NOTCH2: variants seen among roughly 807,000 people sequenced by gnomAD.
NOTCH2 encodes the protein neurogenic locus notch homolog protein 2.
In NOTCH2, 29 loss-of-function variants were observed where a neutral mutation model predicts 235.8. That is an observed-to-expected ratio of 0.12 (90% confidence interval 0.09 to 0.17). The LOEUF (loss-of-function observed/expected upper bound fraction) is 0.17, where lower values mean the gene tolerates loss of function less well. NOTCH2 is among the 10% of genes least tolerant of loss of function. The pLI is 1.00. For synonymous variants in NOTCH2, 1,086 were observed against 1,141.5 expected, an observed-to-expected ratio of 0.95 and a Z score of 0.98; for missense variants, 2,285 against 3,150.2, an observed-to-expected ratio of 0.73 and a Z score of 6.57.
intron 2 of NOTCH2, among the ~76,000 whole-genome samples, chr1:120,006,938 A>G (rs1386097074): frequency 1.3e-5 from 2 of 152,230 alleles, no homozygotes; most frequent in Middle Eastern, 3.2e-3. Context: ...AAGGCCAGAT[A>G]CGAGGGAACT....
intron 17 of NOTCH2, among the ~76,000 whole-genome samples, chr1:119,944,533 T>TA (rs59660919): frequency 0.027 from 1,687 of 62,770 alleles, 25 homozygotes; most frequent in Middle Eastern, 0.08. Context: ...AGACTCAGTC[T>TA]AAAAAAAAAA....
intron 5 of NOTCH2, among the ~76,000 whole-genome samples, chr1:119,979,758 T>C (rs1553201421): frequency 3.3e-5 from 5 of 152,196 alleles, no homozygotes; most frequent in Non-Finnish European, 7.3e-5. Flanking sequence ...TGTATATGTT[T>C]ATAAATTTGA....
rs1648974050 is a variant in NOTCH2, at chr1:119,913,889, G to A, written c.*1417C>T. 8.6e-6 allele frequency: 2 copies of A among 232,942 alleles called. No homozygotes were observed. Among genetic ancestry groups the A allele is most frequent in the Non-Finnish European group, 1.7e-5 (2 of 117,964 alleles). 14.4% of individuals were successfully genotyped at this position (232,942 alleles called of 1,614,324 possible). On this transcript the variant is annotated 3_prime_UTR_variant, in exon 34 of 34. Coordinates refer to ENST00000256646, the MANE Select transcript of NOTCH2 (RefSeq NM_024408.4). ...CCAACCTTCTTATAGGGCTGTTTTG[G>A]ATCATAGAAAACAAGTCCAACTTTC...
Position 119,922,346 on chromosome 1 carries a change from T to A in NOTCH2, c.5103A>T (p.Lys1701Asn). Residue 1701 changes from lysine to asparagine, a missense_variant, in exon 28 of 34, where the codon AAA becomes AAT. Transcript: ENST00000256646. ...FIILLGVIMAKRKRKHGSLWL... is the reference protein window; with the variant it reads ...FIILLGVIMANRKRKHGSLWL... ...AGAGAGAGCCATGCTTACGCTTTCGTTTTGCCATGATTACCCCCAGCAGAA... is the reference window on the plus strand; with the variant it reads ...AGAGAGAGCCATGCTTACGCTTTCGATTTGCCATGATTACCCCCAGCAGAA... The A allele has an allele frequency of 6.2e-7, 1 of 1,614,038 alleles. No individual in the cohort carries two copies. Among genetic ancestry groups the A allele is most frequent in the Non-Finnish European group, 8.5e-7 (1 of 1,180,008 alleles).
intron 22 of NOTCH2, among the ~76,000 whole-genome samples, chr1:119,931,906 A>T (rs1460410489): frequency 1.3e-5 from 2 of 150,568 alleles, no homozygotes; most frequent in East Asian, 3.9e-4. Context: ...CTGGGAATAT[A>T]TTTGTTTTTT....
At chr1:120,066,445 T>C (rs192010757) in intron 1 of NOTCH2, among the ~76,000 whole-genome samples, 1 of 146,532 alleles carries the variant, frequency 6.8e-6, no homozygotes, top group East Asian at 1.9e-4. Flanking sequence ...CAGAGTTTTT[T>C]CTACCATAAT....
rs187598092 is a variant in NOTCH2, at chr1:119,969,635, G to A, written c.984C>T (p.Asn328=). The change falls in exon 6 of 34, where the codon AAC becomes AAT. Residue 328 remains asparagine (N), a synonymous_variant. Coordinates refer to ENST00000256646, the MANE Select transcript of NOTCH2 (RefSeq NM_024408.4). The part of the protein sequence containing the change: ...RNGGYGCVCV[N]GWSGDDCSEN... ...CACTGCAGTCATCTCCACTCCAGCCGTTGACACATACACAGCCATAGCCTC... is the reference window on the plus strand; with the variant it reads ...CACTGCAGTCATCTCCACTCCAGCCATTGACACATACACAGCCATAGCCTC... 1.3e-5 allele frequency: 21 copies of A among 1,614,082 alleles called. No homozygotes were observed. In the East Asian group the frequency reaches 1.3e-4, roughly 10 times the overall value.
chr1:119,969,638 G>A lies in NOTCH2; in HGVS notation c.981C>T (p.Val327=), dbSNP rs782804511. The part of the protein sequence containing the change: ...NRNGGYGCVC[V]NGWSGDDCSE... ...TGCAGTCATCTCCACTCCAGCCGTT[G>A]ACACATACACAGCCATAGCCTCCAT... Residue 327 remains valine, a synonymous_variant, in exon 6 of 34, where the codon GTC becomes GTT. Coordinates refer to ENST00000256646, the MANE Select transcript of NOTCH2 (RefSeq NM_024408.4). 1.9e-6 allele frequency: 3 copies of A among 1,614,106 alleles called. No homozygotes were observed. The highest frequency in any genetic ancestry group is 2.5e-6 in the Non-Finnish European group (3 of 1,179,984).
At position 119,937,295 on chromosome 1, in the gene NOTCH2, C is replaced by G. The variant is rs940020746; in HGVS notation, c.3509G>C (p.Gly1170Ala). ...HGATCSDFIGGYRCECVPGYQ... is the reference protein window; with the variant it reads ...HGATCSDFIGAYRCECVPGYQ... ...CAGTGTCCTCACCTCGCATCTGTATCCACCAATGAAGTCACTGCATGTTGC... is the reference window on the plus strand; with the variant it reads ...CAGTGTCCTCACCTCGCATCTGTATGCACCAATGAAGTCACTGCATGTTGC... Residue 1170 changes from glycine to alanine, a missense_variant, in exon 21 of 34, where the codon GGA (glycine) becomes GCA (alanine). Gly to Ala is a moderately conservative substitution (Grantham distance 60). Around this residue, in one of 6 missense-constraint regions of NOTCH2, gnomAD observed 1,173 missense variants for 1,515.3 expected, o/e 0.77. Transcript: ENST00000256646. The G allele has an allele frequency of 1.2e-6, 2 of 1,613,514 alleles. No individual in the cohort carries two copies. Among genetic ancestry groups the G allele is most frequent in the Non-Finnish European group, 1.7e-6 (2 of 1,179,992 alleles).
At chr1:120,041,041 CAAAAAAAAAAAAAA>C (rs71586698) in intron 1 of NOTCH2, among the ~76,000 whole-genome samples, 6 of 15,650 alleles carry the variant, frequency 3.8e-4, no homozygotes, top group African/African-American at 1.4e-3. Flanking sequence ...ACTCTGCCTG[CAAAAAAAAAAAAAA>C]AAAAAAAAAA....
rs782787638 is a variant in NOTCH2 at position 119,953,728 on chromosome 1, C to T, written c.2220-40G>A. The stretch of plus-strand genomic sequence containing the variant: ...AACTTTTTACTATAGGAGGTATAAA[C>T]GTATGATTGAGTCATAGAGTGAAAT... On this transcript the variant is annotated intron_variant, in intron 13 of 33. Transcript: ENST00000256646. 129 of 1,570,760 alleles carry T rather than the reference C, an allele frequency of 8.2e-5. 2 individuals are homozygous for T. The highest frequency in any genetic ancestry group is 5.5e-4 in the African/African-American group (41 of 74,012).
chr1:119,980,365 T>C (rs1651770460), intron 5 of NOTCH2, among the ~76,000 whole-genome samples: 2 of 152,194 alleles, frequency 1.3e-5, no homozygotes, highest in African/African-American at 4.8e-5. Flanking sequence ...CAACGCCCTT[T>C]GAGCTGCCTT....
chr1:120,039,697 TA>T (rs1654468951), intron 1 of NOTCH2, among the ~76,000 whole-genome samples: 1 of 151,634 alleles, frequency 6.6e-6, no homozygotes, highest in African/African-American at 2.4e-5. Context: ...TAAAGCTTTC[TA>T]AAGATTATTT....
intron 14 of NOTCH2, among the ~76,000 whole-genome samples, chr1:119,953,083 G>C (rs1006565901): frequency 1.3e-5 from 2 of 152,086 alleles, no homozygotes; most frequent in Non-Finnish European, 2.9e-5. Context: ...AGGCCGAGGT[G>C]GGCAGATCAC....
chr1:119,957,033 A>G (rs972616753), intron 12 of NOTCH2, among the ~76,000 whole-genome samples: 6 of 152,250 alleles, frequency 3.9e-5, no homozygotes, highest in Non-Finnish European at 7.3e-5. Flanking sequence ...AAAACATGGT[A>G]TAGTCCACAC....
intron 22 of NOTCH2, chr1:119,935,265 GA>G: frequency 6.7e-7 from 1 of 1,486,366 alleles, no homozygotes; most frequent in Non-Finnish European, 8.9e-7. Flanking sequence ...CAAACAACCA[GA>G]TAAAACTGAC....
Position 119,915,206 on chromosome 1 carries a change from G to T in NOTCH2, c.*100C>A. On this transcript the variant is annotated 3_prime_UTR_variant, in exon 34 of 34. Coordinates refer to ENST00000256646, the MANE Select transcript of NOTCH2 (RefSeq NM_024408.4). ...TTCTCTTTCCTACCTCTAGAAGCTG[G>T]CTCCAGAGATTTCTTCATTTCTCTC... is the stretch of plus-strand genomic sequence containing the variant. The T allele has an allele frequency of 1.6e-6, 2 of 1,228,690 alleles. No homozygotes were observed. The highest frequency in any genetic ancestry group is 2.4e-6 in the Non-Finnish European group (2 of 841,344). The allele number at this position is 1,228,690 out of a possible 1,614,324, so 76.1% of individuals were successfully genotyped here. A position where few individuals can be genotyped will look rare whatever the true frequency, so the allele number is the denominator to read the frequency against.
intron 17 of NOTCH2, among the ~76,000 whole-genome samples, chr1:119,944,740 G>T (rs1650194428): frequency 6.6e-6 from 1 of 152,100 alleles, no homozygotes; most frequent in East Asian, 1.9e-4. Context: ...TTAAAGTGCT[G>T]AAAGAGAAAG....
chr1:119,916,531 T>C lies in NOTCH2; in HGVS notation c.6191A>G (p.Glu2064Gly), dbSNP rs1649078063. Residue 2064 changes from glutamate to glycine, a missense_variant, in exon 34 of 34, where the codon GAA (glutamate) becomes GGA (glycine). Glu to Gly is a moderately conservative substitution (Grantham distance 98). This residue lies in a region of NOTCH2 where 504 missense variants were observed against 538.0 expected (regional missense o/e 0.94). Transcript: ENST00000256646. ...TGGAGGGCTTGGGGTCACATTGTAT[T>C]CATCCAGAAGGCGCACAATGTCATG... ...MHHDIVRLLD[E>G]YNVTPSPPGT... The C allele has an allele frequency of 3.1e-6, 5 of 1,613,456 alleles. No individual in the cohort carries two copies. The highest frequency in any genetic ancestry group is 4.2e-6 in the Non-Finnish European group (5 of 1,179,532).
Sources: gnomAD v4.1 joint callset for allele counts (sites outside exome capture counted in the v4.1 genomes callset) on GRCh38, gnomAD v4.1.1 for gene constraint, gnomAD v4.1.1 regional missense constraint, MANE v1.5 for transcripts, NCBI Gene and HGNC (gene_info 2026-07-23, HGNC 2026-07-21) for gene names.